PDE4D: variants seen among roughly 807,000 people sequenced by gnomAD.
The protein encoded by PDE4D is phosphodiesterase 4D, also known as 3',5'-cyclic-AMP phosphodiesterase 4D.
A neutral mutation model predicts 87.4 loss-of-function variants in PDE4D; 24 were observed. The observed-to-expected ratio is 0.27, with a 90% CI of 0.20 to 0.39. The LOEUF is 0.39. Among genes scored for constraint, PDE4D ranks in the 10% least tolerant of loss-of-function variants. The probability of loss-of-function intolerance (pLI) is 1.00; values close to 1 mark genes in which losing one functional copy is unlikely to be tolerated. For missense variants in PDE4D, 714 were observed against 1,041.0 expected, an observed-to-expected ratio of 0.69 and a Z score of 4.32; for synonymous variants, 384 against 383.2, an observed-to-expected ratio of 1.00 and a Z score of -0.02.
intron 1 of PDE4D, among the ~76,000 whole-genome samples, chr5:59,885,825 T>C (rs540040525): frequency 5.6e-4 from 85 of 152,286 alleles, no homozygotes; most frequent in Non-Finnish European, 1.0e-3. Context: ...ATAGGCTGCT[T>C]CTCCTCATAC....
intron 1 of PDE4D, among the ~76,000 whole-genome samples, chr5:59,466,594 C>CTAAGT (rs1801616026): frequency 6.6e-6 from 1 of 152,120 alleles, no homozygotes; most frequent in Non-Finnish European, 1.5e-5. Context: ...TTTTTTCTGT[C>CTAAGT]CAGATAAGGG....
chr5:60,156,066 C>A (rs531547941), intron 2 of PDE4D, among the ~76,000 whole-genome samples: 7 of 152,244 alleles, frequency 4.6e-5, no homozygotes, highest in Non-Finnish European at 8.8e-5. Context: ...ATCCAAGAAT[C>A]AAGGGTACAG....
intron 1 of PDE4D, among the ~76,000 whole-genome samples, chr5:59,566,573 TGTGTGTGTGTGA>T (rs1820943255): frequency 1.6e-5 from 1 of 64,026 alleles, no homozygotes; most frequent in African/African-American, 4.4e-5. Context: ...TGTGTGTGTG[TGTGTGTGTGTGA>T]GAGAATGAGA....
chr5:59,992,681 C>A (rs2152833490), intron 2 of PDE4D, among the ~76,000 whole-genome samples: 1 of 152,256 alleles, frequency 6.6e-6, no homozygotes, highest in Admixed American at 6.5e-5. Context: ...ATGTTTTTGA[C>A]ATTCTTTTTT....
At chr5:60,204,297 T>C (rs1359645661) in intron 1 of PDE4D, among the ~76,000 whole-genome samples, 2 of 152,284 alleles carry the variant, frequency 1.3e-5, no homozygotes, top group South Asian at 2.1e-4. Context: ...ATCTGTCATC[T>C]ATCTATCTAT....
chr5:60,096,477 TCAAAAAGA>T (rs1775691766), intron 2 of PDE4D, among the ~76,000 whole-genome samples: 1 of 152,098 alleles, frequency 6.6e-6, no homozygotes, highest in Non-Finnish European at 1.5e-5. Flanking sequence ...GCGTTTTCTT[TCAAAAAGA>T]GAAAGCAAAA....
At chr5:59,796,128 A>C (rs984795815) in intron 1 of PDE4D, among the ~76,000 whole-genome samples, 1 of 152,198 alleles carries the variant, frequency 6.6e-6, no homozygotes, top group African/African-American at 2.4e-5. Flanking sequence ...GCCCTAGGAA[A>C]TGAATACAGC....
At chr5:59,212,864 C>T (rs1750376821) in intron 2 of PDE4D, among the ~76,000 whole-genome samples, 1 of 151,848 alleles carries the variant, frequency 6.6e-6, no homozygotes, top group Non-Finnish European at 1.5e-5. Flanking sequence ...TGGGGCTGGT[C>T]AGTATTCTAC....
chr5:59,540,089 T>G (rs900273251), intron 1 of PDE4D, among the ~76,000 whole-genome samples: 1 of 152,092 alleles, frequency 6.6e-6, no homozygotes. Flanking sequence ...ACCAGATAAT[T>G]TGCATCTCCA....
intron 1 of PDE4D, among the ~76,000 whole-genome samples, chr5:59,342,538 A>G (rs1306949787): frequency 6.6e-6 from 1 of 152,124 alleles, no homozygotes; most frequent in Non-Finnish European, 1.5e-5. Flanking sequence ...GAAATGTTGA[A>G]ATGATGAGAT....
chr5:59,225,428 G>C (rs1053778548), intron 1 of PDE4D, among the ~76,000 whole-genome samples: 1 of 152,108 alleles, frequency 6.6e-6, no homozygotes, highest in East Asian at 1.9e-4. Flanking sequence ...TTGAAATCAG[G>C]AAGTGTGAGA....
intron 1 of PDE4D, among the ~76,000 whole-genome samples, chr5:59,802,960 C>T (rs915118774): frequency 1.1e-4 from 17 of 152,070 alleles, no homozygotes; most frequent in Non-Finnish European, 2.5e-4. Context: ...ATAGAAAACA[C>T]GCTCCAAATG....
At chr5:60,469,881 GT>G (rs1747685255) in intron 1 of PDE4D, among the ~76,000 whole-genome samples, 1 of 152,096 alleles carries the variant, frequency 6.6e-6, no homozygotes, top group African/African-American at 2.4e-5. Context: ...AATATTAAAA[GT>G]TAGGCCAATT....
At chr5:59,961,262 T>C (rs1464833791) in intron 3 of PDE4D, among the ~76,000 whole-genome samples, 1 of 150,892 alleles carries the variant, frequency 6.6e-6, no homozygotes, top group Non-Finnish European at 1.5e-5. Flanking sequence ...CAAGAAATTA[T>C]GTTTAAGATC....
chr5:59,244,660 A>ATG (rs1561797728), intron 1 of PDE4D, among the ~76,000 whole-genome samples: 1 of 138,082 alleles, frequency 7.2e-6, no homozygotes, highest in East Asian at 2.2e-4. Context: ...GTATAGATAT[A>ATG]TGTATGTATG....
At chr5:59,683,034 A>G (rs1429678824) in intron 1 of PDE4D, among the ~76,000 whole-genome samples, 1 of 152,230 alleles carries the variant, frequency 6.6e-6, no homozygotes. Flanking sequence ...AATTTAGAAT[A>G]AAGTCTGTAG....
At chr5:59,522,505 G>A (rs973700571) in intron 1 of PDE4D, among the ~76,000 whole-genome samples, 1 of 152,172 alleles carries the variant, frequency 6.6e-6, no homozygotes, top group African/African-American at 2.4e-5. Flanking sequence ...TGCCTCAGAT[G>A]TTTAAGCTGC....
intron 1 of PDE4D, among the ~76,000 whole-genome samples, chr5:59,693,973 C>T (rs557261638): frequency 6.6e-6 from 1 of 151,954 alleles, no homozygotes; most frequent in Non-Finnish European, 1.5e-5. Context: ...TAAAGAAATA[C>T]AGGCAACTCA....
At chr5:59,361,497 T>C (rs1782219157) in intron 1 of PDE4D, among the ~76,000 whole-genome samples, 1 of 152,290 alleles carries the variant, frequency 6.6e-6, no homozygotes, top group South Asian at 2.1e-4. Context: ...CAGTCTTAAA[T>C]AAAAATCCTA....
Sources: gnomAD v4.1 joint callset for allele counts (sites outside exome capture counted in the v4.1 genomes callset) on GRCh38, gnomAD v4.1.1 for gene constraint, MANE v1.5 for transcripts, NCBI Gene and HGNC (gene_info 2026-07-23, HGNC 2026-07-21) for gene names.